TFPI: variants seen among roughly 807,000 people sequenced by gnomAD.
TFPI encodes the protein anti-convertin.
TFPI carries 15 observed loss-of-function variants against 34.6 expected under a neutral mutation model. The observed-to-expected ratio is 0.43, with a 90% CI of 0.29 to 0.67. The LOEUF is 0.67. Among genes scored for constraint, TFPI ranks in the 30% least tolerant of loss-of-function variants. The pLI is 0.15. For synonymous variants in TFPI, 105 were observed against 120.1 expected (o/e 0.87, Z 0.82); for missense variants, 301 against 364.0 (o/e 0.83, Z 1.41).
intron 1 of TFPI, among the ~76,000 whole-genome samples, chr2:187,507,710 G>C (rs780925005): frequency 5.3e-5 from 8 of 151,940 alleles, no homozygotes; most frequent in Non-Finnish European, 1.2e-4. Flanking sequence ...CTAGATATTA[G>C]CCTTCTGTCA....
At chr2:187,481,637 G>A (rs1392183536) in intron 6 of TFPI, among the ~76,000 whole-genome samples, 5 of 144,550 alleles carry the variant, frequency 3.5e-5, no homozygotes. Flanking sequence ...AGATTAGGAA[G>A]GAAGAAAGGG....
At chr2:187,501,996 T>A (rs1685882608) in intron 2 of TFPI, among the ~76,000 whole-genome samples, 6 of 152,158 alleles carry the variant, frequency 3.9e-5, no homozygotes, top group Admixed American at 3.9e-4. Flanking sequence ...TAAAATGATG[T>A]TATGATCTTA....
intron 1 of TFPI, chr2:187,513,601 TGTG>T (rs1686795208): frequency 1.3e-5 from 2 of 152,764 alleles, no homozygotes; most frequent in African/African-American, 4.8e-5. Flanking sequence ...TGAGCCATCC[TGTG>T]AAGGAGCTTA....
chr2:187,509,976 C>T (rs1424303338), intron 1 of TFPI, among the ~76,000 whole-genome samples: 1 of 152,112 alleles, frequency 6.6e-6, no homozygotes, highest in Non-Finnish European at 1.5e-5. Context: ...CTACAGAGCC[C>T]ACATCTGCTA....
At chr2:187,493,140 G>A (rs567225926) in intron 3 of TFPI, among the ~76,000 whole-genome samples, 12 of 152,220 alleles carry the variant, frequency 7.9e-5, no homozygotes, top group South Asian at 2.1e-4. Flanking sequence ...TTTTATCTGC[G>A]CATCCAGGCA....
intron 1 of TFPI, among the ~76,000 whole-genome samples, chr2:187,507,118 A>C (rs538105585): frequency 1.1e-3 from 167 of 151,932 alleles, no homozygotes; most frequent in African/African-American, 2.6e-3. Flanking sequence ...TCCATGTGTT[A>C]TCATTGCTCA....
At chr2:187,499,624 C>T (rs1171303643) in intron 2 of TFPI, 3 of 151,448 alleles carry the variant, frequency 2.0e-5, no homozygotes, top group East Asian at 1.9e-4. Context: ...CATCAAATTA[C>T]GTATCGTGAG....
intron 1 of TFPI, among the ~76,000 whole-genome samples, chr2:187,531,496 G>GT (rs570687618): frequency 1.0e-3 from 156 of 151,820 alleles, no homozygotes; most frequent in Admixed American, 4.1e-3. Flanking sequence ...AAATTTTTCT[G>GT]TTTTTTTGCA....
At chr2:187,517,832 G>A (rs1398018139) in intron 1 of TFPI, 2 of 152,102 alleles carry the variant, frequency 1.3e-5, no homozygotes, top group Non-Finnish European at 2.9e-5. Flanking sequence ...CTCCTGTATT[G>A]GGTGCATATA....
intron 1 of TFPI, among the ~76,000 whole-genome samples, chr2:187,506,233 C>T (rs73050510): frequency 6.6e-6 from 1 of 151,950 alleles, no homozygotes; most frequent in African/African-American, 2.4e-5. Context: ...TCTCCTCCCC[C>T]CATAGTTCAG....
intron 1 of TFPI, among the ~76,000 whole-genome samples, chr2:187,524,439 T>C (rs959158940): frequency 1.1e-4 from 17 of 152,086 alleles, no homozygotes; most frequent in African/African-American, 4.1e-4. Context: ...TATATATTTA[T>C]GTGTGCTGTC....
At position 187,478,561 on chromosome 2, in the gene TFPI, G is replaced by A. The variant is rs1458216079; in HGVS notation, c.628+5563C>T. ...CTAGTTAGACATTTACAAGTGAGGT[G>A]CAGTGAGAAGACTATGTTTACTATG... On this transcript the variant is annotated intron_variant, in intron 6 of 7. Coordinates refer to ENST00000233156, the MANE Select transcript of TFPI (RefSeq NM_006287.6). 3.7e-6 allele frequency: 5 copies of A among 1,342,372 alleles called. No individual in the cohort carries two copies. The East Asian group carries it at 7.7e-5, about 21-fold the overall frequency. 83.2% of individuals were successfully genotyped at this position (1,342,372 alleles called of 1,614,324 possible).
At chr2:187,510,134 C>T (rs1439936816) in intron 1 of TFPI, among the ~76,000 whole-genome samples, 1 of 152,162 alleles carries the variant, frequency 6.6e-6, no homozygotes, top group Non-Finnish European at 1.5e-5. Context: ...ATAAATTCAT[C>T]TTCAAAAAGT....
chr2:187,538,881 T>A (rs909624988), intron 1 of TFPI, among the ~76,000 whole-genome samples: 1 of 152,200 alleles, frequency 6.6e-6, no homozygotes, highest in African/African-American at 2.4e-5. Context: ...CATGCAAAAG[T>A]GTGTTTGTAG....
chr2:187,532,164 A>G (rs566529414), intron 1 of TFPI, among the ~76,000 whole-genome samples: 106 of 152,334 alleles, frequency 7.0e-4, no homozygotes, highest in Admixed American at 2.0e-3. Flanking sequence ...GTTAATATGT[A>G]TAAGTGTGTG....
At chr2:187,480,643 C>T (rs1692784775) in intron 6 of TFPI, among the ~76,000 whole-genome samples, 1 of 152,096 alleles carries the variant, frequency 6.6e-6, no homozygotes, top group African/African-American at 2.4e-5. Flanking sequence ...AAATTGCACA[C>T]ATTTAGGGAA....
intron 1 of TFPI, among the ~76,000 whole-genome samples, chr2:187,543,905 A>G (rs1688713639): frequency 6.6e-6 from 1 of 152,176 alleles, no homozygotes; most frequent in Non-Finnish European, 1.5e-5. Flanking sequence ...TGAAGCTGCA[A>G]TCTTGTAACA....
chr2:187,494,829 T>A (rs951269987), intron 3 of TFPI, among the ~76,000 whole-genome samples: 38 of 152,162 alleles, frequency 2.5e-4, no homozygotes, highest in Admixed American at 2.5e-3. Context: ...TTTAAGCAAT[T>A]CTCCTGTCTC....
chr2:187,532,653 C>G (rs942465156), intron 1 of TFPI, among the ~76,000 whole-genome samples: 3 of 152,166 alleles, frequency 2.0e-5, no homozygotes, highest in Non-Finnish European at 4.4e-5. Flanking sequence ...AATTGGACAG[C>G]CTTTGGGCAG....
Sources: allele counts gnomAD v4.1 joint callset (sites outside exome capture counted in the v4.1 genomes callset), GRCh38; gene constraint gnomAD v4.1.1; transcripts MANE v1.5; gene names NCBI Gene and HGNC (gene_info 2026-07-23, HGNC 2026-07-21).